PPARGC1A: variants seen among roughly 807,000 people sequenced by gnomAD.
The protein encoded by PPARGC1A is peroxisome proliferator-activated receptor gamma coactivator 1-alpha.
PPARGC1A carries 25 observed loss-of-function variants against 88.7 expected under a neutral mutation model. That is an observed-to-expected ratio of 0.28 (90% CI 0.21 to 0.39). The LOEUF (loss-of-function observed/expected upper bound fraction) is 0.39. Among genes scored for constraint, PPARGC1A ranks in the 10% least tolerant of loss-of-function variants. PPARGC1A has a pLI of 1.00. For missense variants in PPARGC1A, 880 were observed against 968.7 expected (o/e 0.91, Z 1.22); for synonymous variants, 363 against 355.6 (o/e 1.02, Z -0.24).
chr4:24,180,591 C>T, the PPARGC1A span, among the ~76,000 whole-genome samples: 11 of 152,270 alleles, frequency 7.2e-5, no homozygotes, highest in East Asian at 1.2e-3. Flanking sequence ...ACCCTGACAT[C>T]TAAATGTGCA....
At chr4:24,075,621 T>C in the PPARGC1A span, among the ~76,000 whole-genome samples, 3 of 152,038 alleles carry the variant, frequency 2.0e-5, no homozygotes, top group Non-Finnish European at 4.4e-5. Flanking sequence ...AGTTGAATCA[T>C]GGGGGGAGGT....
the PPARGC1A span, among the ~76,000 whole-genome samples, chr4:23,931,530 G>C: frequency 6.6e-6 from 1 of 151,988 alleles, no homozygotes. Flanking sequence ...GTGAAAAAGA[G>C]GAAGAAAGGA....
chr4:24,306,511 C>T, the PPARGC1A span, among the ~76,000 whole-genome samples: 1 of 152,182 alleles, frequency 6.6e-6, no homozygotes, highest in Non-Finnish European at 1.5e-5. Flanking sequence ...GCATAGTGAA[C>T]ATCCAGCATA....
chr4:23,952,847 T>C, the PPARGC1A span, among the ~76,000 whole-genome samples: 2 of 152,090 alleles, frequency 1.3e-5, no homozygotes, highest in Non-Finnish European at 2.9e-5. Context: ...TCTCTTTACA[T>C]GGACACACCT....
upstream of PPARGC1A, among the ~76,000 whole-genome samples, chr4:23,908,481 G>A (rs914684965): frequency 6.7e-6 from 1 of 149,804 alleles, no homozygotes; most frequent in Admixed American, 6.7e-5. Flanking sequence ...AATATTATAA[G>A]TAGCCACCAC....
rs1456125709 is a variant in PPARGC1A at position 23,814,077 on chromosome 4, G to C, written c.1406C>G (p.Pro469Arg). The change falls in exon 8 of 13, where the codon CCC becomes CGC. Residue 469 changes from proline (P) to arginine (R), a missense_variant. Transcript: ENST00000264867. ...RAELNKHFGH[P>R]SQAVFDDEAD... Reference sequence around the variant, plus strand: ...TTCGTCGTCAAAAACAGCTTGACTGGGATGACCGAAGTGCTTGTTCAGCTC... The same window carrying C: ...TTCGTCGTCAAAAACAGCTTGACTGCGATGACCGAAGTGCTTGTTCAGCTC... The C allele has an allele frequency of 1.2e-6, 2 of 1,614,006 alleles. No individual in the cohort carries two copies. The highest frequency in any genetic ancestry group is 1.7e-5 in the Admixed American group (1 of 59,996).
the PPARGC1A span, among the ~76,000 whole-genome samples, chr4:24,437,229 C>G: frequency 6.6e-6 from 1 of 152,214 alleles, no homozygotes; most frequent in African/African-American, 2.4e-5. Flanking sequence ...CACCTCTAGC[C>G]CTGTGTTCTG....
At chr4:24,208,143 C>T in the PPARGC1A span, among the ~76,000 whole-genome samples, 294 of 152,062 alleles carry the variant, frequency 1.9e-3, no homozygotes, top group African/African-American at 6.8e-3. Flanking sequence ...ATTATCTGGG[C>T]GCATTGGTGT....
the PPARGC1A span, among the ~76,000 whole-genome samples, chr4:24,427,403 C>T: frequency 1.3e-5 from 2 of 151,920 alleles, no homozygotes; most frequent in Non-Finnish European, 2.9e-5. Flanking sequence ...AACTCAGCCT[C>T]CCAAGTAGGT....
the PPARGC1A span, among the ~76,000 whole-genome samples, chr4:24,300,838 C>G: frequency 2.0e-5 from 3 of 152,252 alleles, no homozygotes; most frequent in Non-Finnish European, 2.9e-5. Flanking sequence ...ATGACGAAGA[C>G]TAGAACTCAC....
chr4:24,435,431 C>T, the PPARGC1A span, among the ~76,000 whole-genome samples: 1 of 152,210 alleles, frequency 6.6e-6, no homozygotes, highest in Non-Finnish European at 1.5e-5. Context: ...GAAGCCCTTC[C>T]TACTTGCTGT....
chr4:24,368,793 G>A, the PPARGC1A span, among the ~76,000 whole-genome samples: 24,383 of 152,030 alleles, frequency 0.16, 2,064 homozygotes, highest in Non-Finnish European at 0.18. Flanking sequence ...GACTTTCCTC[G>A]GAACAAAAAC....
chr4:23,972,306 T>G, the PPARGC1A span, among the ~76,000 whole-genome samples: 1 of 152,306 alleles, frequency 6.6e-6, no homozygotes, highest in African/African-American at 2.4e-5. Flanking sequence ...CAATATTTCC[T>G]GCAAATAAAC....
Position 23,814,049 on chromosome 4 carries a change from T to TGCTTCGTCGTCAAAAACA in PPARGC1A, c.1416_1433dup (p.Val473_Ala478dup). 1 of 1,614,052 alleles carries TGCTTCGTCGTCAAAAACA rather than the reference T, an allele frequency of 6.2e-7. No homozygotes were observed. The highest frequency in any genetic ancestry group is 1.7e-4 in the Middle Eastern group (1 of 6,060). ...TGTCCCTCAGTTCACCGGTCTTGTC[T>TGCTTCGTCGTCAAAAACA]GCTTCGTCGTCAAAAACAGCTTGAC... On this transcript the variant is annotated inframe_insertion, in exon 8 of 13. Coordinates refer to ENST00000264867, the MANE Select transcript of PPARGC1A (RefSeq NM_013261.5).
At chr4:24,395,179 A>ATCCCT in the PPARGC1A span, among the ~76,000 whole-genome samples, 2 of 151,966 alleles carry the variant, frequency 1.3e-5, no homozygotes, top group African/African-American at 4.8e-5. Context: ...ATATGTAAAA[A>ATCCCT]CCCTCCCAAA....
the PPARGC1A span, among the ~76,000 whole-genome samples, chr4:24,288,328 G>A: frequency 6.6e-6 from 1 of 152,146 alleles, no homozygotes; most frequent in African/African-American, 2.4e-5. Context: ...CCTAGGGAAA[G>A]GCCATATGGT....
the PPARGC1A span, among the ~76,000 whole-genome samples, chr4:23,945,452 A>G: frequency 6.6e-6 from 1 of 152,202 alleles, no homozygotes; most frequent in African/African-American, 2.4e-5. Flanking sequence ...AGTGCTGAGA[A>G]GCTGAAGAAC....
the PPARGC1A span, among the ~76,000 whole-genome samples, chr4:24,060,532 CAACA>C: frequency 6.6e-6 from 1 of 152,054 alleles, no homozygotes; most frequent in African/African-American, 2.4e-5. Flanking sequence ...TGTAGAACAA[CAACA>C]AAAAAAAAAT....
the PPARGC1A span, among the ~76,000 whole-genome samples, chr4:24,209,783 G>A: frequency 3.2e-4 from 48 of 152,258 alleles, no homozygotes; most frequent in East Asian, 5.6e-3. Context: ...TAAAGTAATA[G>A]TACAATAGTA....
Sources: allele counts gnomAD v4.1 joint callset (sites outside exome capture counted in the v4.1 genomes callset), GRCh38; gene constraint gnomAD v4.1.1; transcripts MANE v1.5; gene names NCBI Gene and HGNC (gene_info 2026-07-23, HGNC 2026-07-21).